KIDINS220: variants seen among roughly 807,000 people sequenced by gnomAD.
KIDINS220 encodes kinase D interacting substrate 220, also known as kinase D-interacting substrate of 220 kDa.
In KIDINS220, 63 loss-of-function variants were observed where a neutral mutation model predicts 157.6. That is an observed-to-expected ratio of 0.40 (90% CI 0.33 to 0.49). The LOEUF (loss-of-function observed/expected upper bound fraction) is 0.49. Among genes scored for constraint, KIDINS220 ranks in the 20% least tolerant of loss-of-function variants. The pLI is 0.66. For synonymous variants in KIDINS220, 732 were observed against 783.6 expected, an observed-to-expected ratio of 0.93 and a Z score of 1.10; for missense variants, 1,772 against 2,171.2, an observed-to-expected ratio of 0.82 and a Z score of 3.65.
chr2:8,798,082 G>C (rs758141000), intron 10 of KIDINS220, 120 bp downstream of exon 10: 2 of 607,754 alleles, frequency 3.3e-6, no homozygotes, highest in Non-Finnish European at 5.8e-6. Flanking sequence ...CAATGTGATA[G>C]AGAATATTAC....
chr2:8,741,586 A>C (rs1370503054), intron 26 of KIDINS220, among the ~76,000 whole-genome samples: 1 of 152,198 alleles, frequency 6.6e-6, no homozygotes, highest in African/African-American at 2.4e-5. Flanking sequence ...TCTCAAAAAA[A>C]CCAAAATGAA....
chr2:8,837,310 G>A (rs1455232308), intron 1 of KIDINS220, among the ~76,000 whole-genome samples, 170 bp downstream of exon 1: 9 of 152,190 alleles, frequency 5.9e-5, no homozygotes, highest in East Asian at 1.9e-4. Context: ...AGCGTCCGGG[G>A]CCCGCGCCAT....
intron 26 of KIDINS220, chr2:8,740,330 C>T (rs751147246): frequency 8.4e-5 from 16 of 190,400 alleles, no homozygotes; most frequent in Non-Finnish European, 1.5e-4. Context: ...CAACAGCACA[C>T]AGCAAGGAGC....
Position 8,731,000 on chromosome 2 carries a change from G to C in KIDINS220, c.5036C>G (p.Thr1679Ser). The part of the protein sequence containing the change: ...ACQKAYNLNR[T>S]PSTVTLNNNS... ...GTTGTTCAGAGTCACGGTGCTGGGA[G>C]TTCGGTTCAGGTTGTAGGCTTTCTG... Residue 1679 changes from threonine (T) to serine (S), a missense_variant, in exon 30 of 30, where the codon ACT (threonine) becomes AGT (serine). This residue lies in a region of KIDINS220 where 793 missense variants were observed against 885.5 expected (regional missense o/e 0.90). Coordinates refer to ENST00000256707, the MANE Select transcript of KIDINS220 (RefSeq NM_020738.4). The C allele has an allele frequency of 2.5e-6, 4 of 1,614,182 alleles. No homozygotes were observed. The highest frequency in any genetic ancestry group is 1.1e-5 in the South Asian group (1 of 91,084).
chr2:8,722,731 T>G (rs1265437527), downstream of KIDINS220: 2 of 152,232 alleles, frequency 1.3e-5, no homozygotes, highest in Admixed American at 6.5e-5. Flanking sequence ...CTTTCCCCTA[T>G]TCTTAACCTT....
intron 12 of KIDINS220, among the ~76,000 whole-genome samples, chr2:8,792,434 G>C (rs776335676): frequency 6.6e-6 from 1 of 152,008 alleles, no homozygotes. Context: ...AGTGGGCAAA[G>C]GATACAAAAA....
chr2:8,744,381 AAAAAAAAATATATATATATAAT>A (rs1433596118), intron 26 of KIDINS220, among the ~76,000 whole-genome samples: 32 of 36,488 alleles, frequency 8.8e-4, no homozygotes, highest in South Asian at 2.9e-3. Flanking sequence ...AAAAAAAAAA[AAAAAAAAATATATATATATAAT>A]ATATATATAT....
intron 2 of KIDINS220, among the ~76,000 whole-genome samples, chr2:8,825,379 A>AAAAAAG (rs1678618460): frequency 1.3e-5 from 2 of 151,666 alleles, no homozygotes; most frequent in Non-Finnish European, 2.9e-5. Context: ...TCTCAAAAAA[A>AAAAAAG]AAAAAGAAAA....
chr2:8,740,849 G>A (rs1665526049), intron 26 of KIDINS220, among the ~76,000 whole-genome samples: 1 of 152,186 alleles, frequency 6.6e-6, no homozygotes, highest in African/African-American at 2.4e-5. Flanking sequence ...TCTGTACTTA[G>A]ATTGATAATA....
At chr2:8,743,059 T>C (rs1572454164) in intron 26 of KIDINS220, among the ~76,000 whole-genome samples, 1 of 152,146 alleles carries the variant, frequency 6.6e-6, no homozygotes, top group South Asian at 2.1e-4. Context: ...CAATACTAGG[T>C]CCTTTGCTTC....
At chr2:8,753,132 T>G (rs531538148) in intron 22 of KIDINS220, among the ~76,000 whole-genome samples, 1 of 151,652 alleles carries the variant, frequency 6.6e-6, no homozygotes, top group African/African-American at 2.4e-5. Context: ...AGACAAGAGG[T>G]AGATGAGAAA....
intron 6 of KIDINS220, among the ~76,000 whole-genome samples, chr2:8,809,386 T>C (rs557373448): frequency 5.3e-5 from 8 of 152,304 alleles, no homozygotes; most frequent in East Asian, 1.9e-4. Context: ...TTGAACTATA[T>C]TGACTGTCCC....
chr2:8,833,475 T>A (rs1446841559), intron 1 of KIDINS220, among the ~76,000 whole-genome samples: 1 of 126,590 alleles, frequency 7.9e-6, no homozygotes, highest in Admixed American at 1.0e-4. Flanking sequence ...TTTTTTAAAT[T>A]TGTCTTTTTT....
Position 8,786,368 on chromosome 2 carries a change from A to G in KIDINS220, c.1788-11T>C, listed in dbSNP as rs1292892278. On this transcript the variant is annotated splice_polypyrimidine_tract_variant and intron_variant, in intron 15 of 29. Coordinates refer to ENST00000256707, the MANE Select transcript of KIDINS220 (RefSeq NM_020738.4). The stretch of plus-strand genomic sequence containing the variant: ...TCTGTAAACAAAAACCTTGAAGAAA[A>G]GAACAAATCAAACATTACTTTATTA... 3 of 1,604,866 alleles carry G rather than the reference A, an allele frequency of 1.9e-6. No individual in the cohort carries two copies. The highest frequency in any genetic ancestry group is 4.5e-5 in the East Asian group (2 of 44,820).
chr2:8,775,411 G>C (rs1426514728), intron 21 of KIDINS220, among the ~76,000 whole-genome samples: 1 of 152,134 alleles, frequency 6.6e-6, no homozygotes, highest in Non-Finnish European at 1.5e-5. Context: ...ATGGCAAAGG[G>C]AGATGAAGGC....
At chr2:8,746,474 TTTG>T (rs1666591586) in intron 26 of KIDINS220, 1 of 112,186 alleles carries the variant, frequency 8.9e-6, no homozygotes, top group African/African-American at 2.5e-5. Flanking sequence ...TTTTTTTCTT[TTTG>T]TTTTTTTTTT....
In KIDINS220 at chr2:8,731,285, G is replaced by A. The variant is rs766384760; in HGVS notation, c.4751C>T (p.Ser1584Leu). The A allele has an allele frequency of 3.7e-6, 6 of 1,613,924 alleles. No homozygotes were observed. The highest frequency in any genetic ancestry group is 1.3e-5 in the African/African-American group (1 of 74,916). The change falls in exon 30 of 30, where the codon TCG becomes TTG. Residue 1584 changes from serine to leucine, a missense_variant. Coordinates refer to ENST00000256707, the MANE Select transcript of KIDINS220 (RefSeq NM_020738.4). The surrounding 1 kb of genome is among the most constrained non-coding windows in gnomAD (Gnocchi z 5.2). ...TTCACTGGATCTCACTCCTGAATCC[G>A]ATGAATCCTTTTTGTCAAGGAGCGC... Reference protein sequence around the residue: ...SDALLDKKDSSDSGVRSSESS... With the variant: ...SDALLDKKDSLDSGVRSSESS...
intron 6 of KIDINS220, among the ~76,000 whole-genome samples, chr2:8,810,078 T>G (rs1225980568): frequency 6.6e-6 from 1 of 152,168 alleles, no homozygotes; most frequent in African/African-American, 2.4e-5. Flanking sequence ...ATTTTCCCTG[T>G]GCCCAGTTCG....
At chr2:8,753,786 A>AT (rs1352631579) in intron 22 of KIDINS220, among the ~76,000 whole-genome samples, 2 of 152,320 alleles carry the variant, frequency 1.3e-5, no homozygotes, top group East Asian at 3.9e-4. Context: ...GTAGCCAAAT[A>AT]TTGAAAGTCA....
Sources: gnomAD v4.1 joint callset for allele counts (sites outside exome capture counted in the v4.1 genomes callset) on GRCh38, gnomAD v4.1.1 for gene constraint, gnomAD v4.1.1 regional missense constraint, Gnocchi (gnomAD v3.1) non-coding constraint, MANE v1.5 for transcripts, NCBI Gene and HGNC (gene_info 2026-07-23, HGNC 2026-07-21) for gene names.